Variants in CACNA2D2 observed in about 807,000 individuals in gnomAD.
The protein encoded by CACNA2D2 is voltage-dependent calcium channel subunit alpha-2/delta-2.
A neutral mutation model predicts 166.4 loss-of-function variants in CACNA2D2; 48 were observed. The ratio of observed to expected loss-of-function variants is 0.29; its 90% CI spans 0.23 to 0.37. The LOEUF is 0.37. CACNA2D2 is among the 10% of genes least tolerant of loss of function. The probability of loss-of-function intolerance (pLI) is 1.00; values close to 1 mark genes in which losing one functional copy is unlikely to be tolerated. For missense variants in CACNA2D2, 1,122 were observed against 1,433.0 expected (o/e 0.78, Z 3.50); for synonymous variants, 561 against 573.7 (o/e 0.98, Z 0.32).
At chr3:50,372,855 C>A (rs1199435455) in intron 22 of CACNA2D2, among the ~76,000 whole-genome samples, 1 of 152,026 alleles carries the variant, frequency 6.6e-6, no homozygotes, top group Non-Finnish European at 1.5e-5. Flanking sequence ...GGAGAACACC[C>A]TGCAGGCAGG....
chr3:50,432,052 T>C (rs1343157323), intron 3 of CACNA2D2, among the ~76,000 whole-genome samples: 2 of 150,814 alleles, frequency 1.3e-5, no homozygotes, highest in East Asian at 1.9e-4. Context: ...TCCCAGGCCA[T>C]GGCTGGGCTG....
chr3:50,464,590 G>C (rs1709744436), intron 2 of CACNA2D2, among the ~76,000 whole-genome samples: 2 of 152,226 alleles, frequency 1.3e-5, no homozygotes, highest in Admixed American at 1.3e-4. Context: ...GGGAGACACA[G>C]TATGCCAGCC....
At chr3:50,418,459 T>C (rs1707372892) in intron 3 of CACNA2D2, among the ~76,000 whole-genome samples, 1 of 152,212 alleles carries the variant, frequency 6.6e-6, no homozygotes, top group Non-Finnish European at 1.5e-5. Context: ...TCCCTCTTCC[T>C]GGCTAATTCT....
chr3:50,500,689 T>C (rs1401953046), intron 1 of CACNA2D2, among the ~76,000 whole-genome samples: 1 of 151,808 alleles, frequency 6.6e-6, no homozygotes, highest in African/African-American at 2.4e-5. Context: ...TGTGCAAACA[T>C]GTAGCCTCCT....
In CACNA2D2 at chr3:50,392,082, G is replaced by A. The variant is rs551593061; in HGVS notation, c.465+2027C>T. 1.0e-3 allele frequency among the ~76,000 whole-genome samples: 156 copies of A among 152,292 alleles called. 1 individual carries two copies. Among genetic ancestry groups the A allele is most frequent in the African/African-American group, 3.5e-3 (147 of 41,542 alleles). Reference sequence around the variant, plus strand: ...GGCACAGGCCAGGTGCCTCTCCTGAGTTCTGGGAGGGAACATGGCTCCTTG... The same window carrying A: ...GGCACAGGCCAGGTGCCTCTCCTGAATTCTGGGAGGGAACATGGCTCCTTG... On this transcript the variant is annotated intron_variant, in intron 4 of 37. Coordinates refer to ENST00000424201, the MANE Select transcript of CACNA2D2 (RefSeq NM_006030.4).
chr3:50,476,929 CTTT>C (rs61469495), intron 1 of CACNA2D2, among the ~76,000 whole-genome samples: 9 of 135,236 alleles, frequency 6.7e-5, no homozygotes, highest in Admixed American at 1.5e-4. Context: ...GTTTCTTTTT[CTTT>C]TTTTTTTTTT....
chr3:50,428,438 C>G (rs1707902509), intron 3 of CACNA2D2, among the ~76,000 whole-genome samples: 1 of 152,178 alleles, frequency 6.6e-6, no homozygotes, highest in Non-Finnish European at 1.5e-5. Flanking sequence ...CTCTGAATGC[C>G]CAGCCCAGAG....
At chr3:50,384,154 C>A in intron 6 of CACNA2D2, 42 bp downstream of exon 6, 3 of 1,606,210 alleles carry the variant, frequency 1.9e-6, no homozygotes, top group Non-Finnish European at 2.6e-6. Flanking sequence ...CCTGCCCCCA[C>A]AGCAGGTGGG....
intron 2 of CACNA2D2, among the ~76,000 whole-genome samples, chr3:50,466,191 C>G (rs1469785744): frequency 6.6e-6 from 1 of 152,156 alleles, no homozygotes; most frequent in East Asian, 1.9e-4. Flanking sequence ...GCAGCCTGCC[C>G]CCATGCAGGG....
Position 50,363,469 on chromosome 3 carries a change from T to C in CACNA2D2, c.*1197A>G. 1 of 260,804 alleles carries C rather than the reference T, an allele frequency of 3.8e-6. No homozygotes were observed. Among genetic ancestry groups the C allele is most frequent in the Non-Finnish European group, 7.3e-6 (1 of 137,286 alleles). The allele number at this position is 260,804 out of a possible 1,614,324, so 16.2% of individuals were successfully genotyped here. Reference sequence around the variant, plus strand: ...AAGAGCTGTGCCCAGTCCCCACCTGTGTGTGTGTGTGTGTGTGTGTGTTCA... The same window carrying C: ...AAGAGCTGTGCCCAGTCCCCACCTGCGTGTGTGTGTGTGTGTGTGTGTTCA... On this transcript the variant is annotated 3_prime_UTR_variant, in exon 38 of 38. Coordinates refer to ENST00000424201, the MANE Select transcript of CACNA2D2 (RefSeq NM_006030.4).
intron 2 of CACNA2D2, among the ~76,000 whole-genome samples, chr3:50,471,600 A>G (rs1017356209): frequency 3.9e-5 from 6 of 152,120 alleles, no homozygotes; most frequent in African/African-American, 1.4e-4. Context: ...CAGCACCCCC[A>G]GAGTCAGTGT....
At chr3:50,476,271 CG>C in intron 1 of CACNA2D2, 72 bp from the exon 2 acceptor site, 4 of 1,256,884 alleles carry the variant, frequency 3.2e-6, no homozygotes, top group Non-Finnish European at 3.4e-6. Context: ...CCAGCCAACC[CG>C]GGGGCACTGG....
intron 2 of CACNA2D2, among the ~76,000 whole-genome samples, chr3:50,435,841 C>T (rs909084048): frequency 1.3e-5 from 2 of 152,162 alleles, no homozygotes; most frequent in South Asian, 2.1e-4. Context: ...CGCTCCTTCC[C>T]GCAGAGTAGT....
At chr3:50,486,701 A>T (rs2107139403) in intron 1 of CACNA2D2, among the ~76,000 whole-genome samples, 1 of 152,270 alleles carries the variant, frequency 6.6e-6, no homozygotes, top group Non-Finnish European at 1.5e-5. Context: ...CTCTTCTCAA[A>T]GCCACAGTTC....
chr3:50,387,731 C>CTG, intron 4 of CACNA2D2, 119 bp from the exon 5 acceptor site: 2 of 784,250 alleles, frequency 2.6e-6, no homozygotes, highest in Non-Finnish European at 4.2e-6. Flanking sequence ...CTGTCCCTTT[C>CTG]CCCCACCCAG....
chr3:50,374,776 G>A lies in CACNA2D2; in HGVS notation c.1945C>T (p.Leu649Phe), dbSNP rs775442985. 3.6e-5 allele frequency: 58 copies of A among 1,598,290 alleles called. No individual in the cohort carries two copies. The highest frequency in any genetic ancestry group is 1.1e-4 in the South Asian group (10 of 88,442). ...ATCTGGTCACTGAGATTGGCTTGGA[G>A]GTAGAAGGTGCTGTAGGGTGGGAGC... is the stretch of plus-strand genomic sequence containing the variant. The part of the protein sequence containing the change: ...LVLPPYSTFY[L>F]QANLSDQILQ... The change falls in exon 22 of 38, where the codon CTC becomes TTC. Residue 649 changes from leucine (L) to phenylalanine (F), a missense_variant. Coordinates refer to ENST00000424201, the MANE Select transcript of CACNA2D2 (RefSeq NM_006030.4).
Position 50,367,811 on chromosome 3 carries a change from C to G in CACNA2D2, c.2234+1G>C, listed in dbSNP as rs749539763. On this transcript the variant is annotated splice_donor_variant, in intron 25 of 37. Coordinates refer to ENST00000424201, the MANE Select transcript of CACNA2D2 (RefSeq NM_006030.4). LOFTEE classifies it high-confidence loss of function. This position sits in a 1 kb window ranked among gnomAD's most constrained non-coding sequence, Gnocchi z 6.5. ...GCCCCCACAGGCTGGGTGATGCCTACGTGTTGAGATCCTGGTCCCTCCACA... is the reference window on the plus strand; with the variant it reads ...GCCCCCACAGGCTGGGTGATGCCTAGGTGTTGAGATCCTGGTCCCTCCACA... 6.2e-7 allele frequency: 1 copy of G among 1,609,872 alleles called. No individual in the cohort carries two copies. The highest frequency in any genetic ancestry group is 8.5e-7 in the Non-Finnish European group (1 of 1,177,742).
chr3:50,377,857 T>C (rs1299258098), intron 15 of CACNA2D2, 54 bp from the exon 16 acceptor site: 1 of 1,542,518 alleles, frequency 6.5e-7, no homozygotes, highest in Non-Finnish European at 8.9e-7. Flanking sequence ...GACCCCACCC[T>C]GAGTGTTCAG....
chr3:50,445,496 C>T (rs1708801503), intron 2 of CACNA2D2, among the ~76,000 whole-genome samples: 1 of 152,194 alleles, frequency 6.6e-6, no homozygotes, highest in Non-Finnish European at 1.5e-5. Flanking sequence ...TCTAAGTTTT[C>T]CTTTTTCTCC....
Sources: gnomAD v4.1 joint callset for allele counts (sites outside exome capture counted in the v4.1 genomes callset) on GRCh38, gnomAD v4.1.1 for gene constraint, Gnocchi (gnomAD v3.1) non-coding constraint, MANE v1.5 for transcripts, NCBI Gene and HGNC (gene_info 2026-07-23, HGNC 2026-07-21) for gene names.